Variants in MSI2 observed in about 807,000 individuals in gnomAD.
MSI2 encodes the protein RNA-binding protein Musashi homolog 2.
In MSI2, 17 loss-of-function variants were observed where a neutral mutation model predicts 45.6. The observed-to-expected ratio is 0.37, with a 90% CI of 0.26 to 0.56. The LOEUF (loss-of-function observed/expected upper bound fraction) is 0.56, where lower values mean the gene tolerates loss of function less well. Among genes scored for constraint, MSI2 ranks in the 20% least tolerant of loss-of-function variants. The pLI is 0.77. For synonymous variants in MSI2, 156 were observed against 158.2 expected, an observed-to-expected ratio of 0.99 and a Z score of 0.11; for missense variants, 293 against 444.2, an observed-to-expected ratio of 0.66 and a Z score of 3.06.
intron 5 of MSI2, among the ~76,000 whole-genome samples, chr17:57,367,780 G>A (rs1040992123): frequency 6.6e-6 from 1 of 152,202 alleles, no homozygotes; most frequent in African/African-American, 2.4e-5. Flanking sequence ...TTCACTCCGG[G>A]AGAGAGGGTT....
chr17:57,524,993 CT>C, intron 6 of MSI2, among the ~76,000 whole-genome samples: 1 of 152,314 alleles, frequency 6.6e-6, no homozygotes, highest in East Asian at 1.9e-4. Context: ...ATCAGTCACT[CT>C]GGCTCTGAGG....
At chr17:57,405,353 T>C (rs533928428) in intron 6 of MSI2, among the ~76,000 whole-genome samples, 66 of 152,328 alleles carry the variant, frequency 4.3e-4, no homozygotes, top group Non-Finnish European at 8.1e-4. Context: ...TAAAACTTTA[T>C]TTACAAAAAC....
chr17:57,389,869 T>A (rs375063396), intron 5 of MSI2, among the ~76,000 whole-genome samples: 18 of 152,274 alleles, frequency 1.2e-4, no homozygotes, highest in Admixed American at 4.6e-4. Context: ...TCCAGCAGTT[T>A]CTTGTTGAAA....
At chr17:57,676,087 C>T (rs530969934) in intron 12 of MSI2, among the ~76,000 whole-genome samples, 313 of 152,324 alleles carry the variant, frequency 2.1e-3, no homozygotes, top group African/African-American at 5.4e-3. Context: ...TGTCAGACTC[C>T]GCTTCTGAGT....
chr17:57,618,826 G>T (rs549645068), intron 9 of MSI2, among the ~76,000 whole-genome samples: 1 of 152,194 alleles, frequency 6.6e-6, no homozygotes, highest in Non-Finnish European at 1.5e-5. Flanking sequence ...ACAGGCGTGA[G>T]CCACTGCGCC....
Position 57,466,110 on chromosome 17 carries a change from C to T in MSI2, c.406-63566C>T, listed in dbSNP as rs199977667. Among the ~76,000 whole-genome samples the T allele has an allele frequency of 8.5e-5, 13 of 152,298 alleles. No individual in the cohort carries two copies. In the East Asian group the frequency reaches 1.5e-3, roughly 18 times the overall value. ...AGGCTCTGTGAAGGGTGTTGCTCAC[C>T]GCAGCCTTCAGGAACCAGAGTCCCC... On this transcript the variant is annotated intron_variant, in intron 6 of 13. Transcript: ENST00000284073.
At position 57,647,755 on chromosome 17, in the gene MSI2, G is replaced by T. The variant is rs930002680; in HGVS notation, c.728-4344G>T. ...TGCCTCCCAGGTTCAAGCAATTCTC[G>T]TGCCTCCGCCTCCCAAGTAGCTGGA... On this transcript the variant is annotated intron_variant, in intron 10 of 13. Transcript: ENST00000284073. 6.9e-5 allele frequency among the ~76,000 whole-genome samples: 10 copies of T among 145,854 alleles called. No homozygotes were observed. In the Admixed American group the frequency reaches 6.9e-4, roughly 10 times the overall value.
chr17:57,441,389 T>C (rs1036794320), intron 6 of MSI2, among the ~76,000 whole-genome samples: 5 of 152,178 alleles, frequency 3.3e-5, no homozygotes, highest in African/African-American at 1.2e-4. Flanking sequence ...CACTGCCTGC[T>C]CTGTCACCTC....
intron 7 of MSI2, among the ~76,000 whole-genome samples, chr17:57,575,148 C>A (rs1168641617): frequency 1.9e-4 from 15 of 78,168 alleles, no homozygotes; most frequent in African/African-American, 9.2e-4. Context: ...TTTTTTAACT[C>A]CCTCCCCCCG....
intron 7 of MSI2, among the ~76,000 whole-genome samples, chr17:57,530,355 G>A (rs559982290): frequency 6.6e-6 from 1 of 152,300 alleles, no homozygotes; most frequent in South Asian, 2.1e-4. Context: ...CTTTTCTTGG[G>A]TGAAGATCCC....
chr17:57,325,485 G>A (rs906154994), intron 5 of MSI2, among the ~76,000 whole-genome samples: 7 of 152,246 alleles, frequency 4.6e-5, no homozygotes, highest in African/African-American at 7.2e-5. Flanking sequence ...AAAAGAAAGT[G>A]GAGTCTAAAA....
At position 57,382,996 on chromosome 17, in the gene MSI2, A is replaced by G. The variant is rs147007534; in HGVS notation, c.313-18383A>G. On this transcript the variant is annotated intron_variant, in intron 5 of 13. Transcript: ENST00000284073. ...GCCCTGGATTCACTTTGGGACACAG[A>G]GAAGGTTTGAGGAAGAAAGGGCCTG... is the stretch of plus-strand genomic sequence containing the variant. 7.2e-5 allele frequency among the ~76,000 whole-genome samples: 11 copies of G among 152,238 alleles called. 1 individual carries two copies. The East Asian group carries it at 2.1e-3, about 29-fold the overall frequency.
intron 11 of MSI2, among the ~76,000 whole-genome samples, chr17:57,660,244 C>T (rs1271272592): frequency 6.6e-6 from 1 of 152,140 alleles, no homozygotes; most frequent in African/African-American, 2.4e-5. Flanking sequence ...ACCGTCCTGT[C>T]CAGAAGAGGG....
intron 6 of MSI2, among the ~76,000 whole-genome samples, chr17:57,480,856 C>T (rs17834383): frequency 0.039 from 5,966 of 152,282 alleles, 166 homozygotes; most frequent in Non-Finnish European, 0.057. Flanking sequence ...TGAGCATTGA[C>T]AAGAAGGTGA....
At position 57,400,782 on chromosome 17, in the gene MSI2, C is replaced by T. The variant is rs1030366990; in HGVS notation, c.313-597C>T. Among the ~76,000 whole-genome samples, 8 of 151,956 alleles carry T rather than the reference C, an allele frequency of 5.3e-5. 1 individual carries two copies. The Middle Eastern group carries it at 0.01, about 194-fold the overall frequency. ...CCTGCAGGAACGAAAGTGTAGGGAT[C>T]TGGGGATTAGCTGGGCTTGACTGGG... is the stretch of plus-strand genomic sequence containing the variant. On this transcript the variant is annotated intron_variant, in intron 5 of 13. Coordinates refer to ENST00000284073, the MANE Select transcript of MSI2 (RefSeq NM_138962.4).
At chr17:57,260,729 T>A (rs1180618197) in intron 4 of MSI2, among the ~76,000 whole-genome samples, 1 of 152,218 alleles carries the variant, frequency 6.6e-6, no homozygotes, top group African/African-American at 2.4e-5. Context: ...TCTCAGGTGA[T>A]GTTTAAAGGT....
intron 6 of MSI2, among the ~76,000 whole-genome samples, chr17:57,459,813 G>A (rs1327338711): frequency 2.6e-5 from 4 of 151,388 alleles, no homozygotes; most frequent in Non-Finnish European, 5.9e-5. Context: ...GGGCAACATA[G>A]CAAGACTTCA....
intron 5 of MSI2, among the ~76,000 whole-genome samples, chr17:57,284,861 G>A (rs942101635): frequency 6.6e-6 from 1 of 151,840 alleles, no homozygotes; most frequent in African/African-American, 2.4e-5. Context: ...GTTGGCCAGG[G>A]GTTTACCCTA....
intron 6 of MSI2, 112 bp downstream of exon 6, chr17:57,401,583 C>T: frequency 1.3e-6 from 1 of 762,944 alleles, no homozygotes; most frequent in Non-Finnish European, 2.3e-6. Flanking sequence ...AGAACCTTGT[C>T]CTTGAACCTG....
Sources: allele counts gnomAD v4.1 joint callset (sites outside exome capture counted in the v4.1 genomes callset), GRCh38; gene constraint gnomAD v4.1.1; transcripts MANE v1.5; gene names NCBI Gene and HGNC (gene_info 2026-07-23, HGNC 2026-07-21).